The following MLLT3 variants were observed in gnomAD, a reference collection of about 807,000 sequenced individuals.
The protein encoded by MLLT3 is MLLT3 super elongation complex subunit.
A neutral mutation model predicts 53.2 loss-of-function variants in MLLT3; 4 were observed. That is an observed-to-expected ratio of 0.08 (90% confidence interval 0.04 to 0.17). MLLT3 has a LOEUF of 0.17. Among genes scored for constraint, MLLT3 ranks in the 10% least tolerant of loss-of-function variants. The pLI, the probability that MLLT3 is intolerant of heterozygous loss-of-function variation, is 1.00. For synonymous variants in MLLT3, 283 were observed against 230.6 expected (o/e 1.23, Z -2.06); for missense variants, 569 against 684.0 (o/e 0.83, Z 1.87).
chr9:20,593,600 T>A (rs926842263), intron 2 of MLLT3, among the ~76,000 whole-genome samples: 2 of 152,224 alleles, frequency 1.3e-5, no homozygotes, highest in Non-Finnish European at 2.9e-5. Flanking sequence ...ACATCTGTTA[T>A]TAGATTCTAG....
At chr9:20,510,177 C>T (rs568660400) in intron 2 of MLLT3, among the ~76,000 whole-genome samples, 1 of 151,900 alleles carries the variant, frequency 6.6e-6, no homozygotes, top group Non-Finnish European at 1.5e-5. Context: ...GAGTTAATGT[C>T]TTTAAAGAAT....
intron 2 of MLLT3, among the ~76,000 whole-genome samples, chr9:20,590,165 G>C (rs1416536057): frequency 1.3e-5 from 2 of 152,124 alleles, no homozygotes; most frequent in East Asian, 1.9e-4. Context: ...TAGGCTTCCA[G>C]AGCTGTAATT....
chr9:20,519,656 C>A (rs914720817), intron 2 of MLLT3, among the ~76,000 whole-genome samples: 2 of 152,174 alleles, frequency 1.3e-5, no homozygotes, highest in East Asian at 3.8e-4. Flanking sequence ...GAAACCATCT[C>A]ACGTCAGTCA....
chr9:20,487,162 G>C (rs1182549575), intron 2 of MLLT3, among the ~76,000 whole-genome samples: 1 of 152,128 alleles, frequency 6.6e-6, no homozygotes, highest in East Asian at 1.9e-4. Context: ...CCGAATAAAA[G>C]TTGCGAAGCA....
intron 2 of MLLT3, among the ~76,000 whole-genome samples, chr9:20,579,435 C>T (rs1819734520): frequency 6.6e-6 from 1 of 151,400 alleles, no homozygotes; most frequent in East Asian, 1.9e-4. Flanking sequence ...TACAAAAGAA[C>T]AAAACAACTT....
chr9:20,375,733 T>C (rs974397674), intron 5 of MLLT3, among the ~76,000 whole-genome samples: 9 of 151,242 alleles, frequency 6.0e-5, no homozygotes, highest in African/African-American at 1.7e-4. Flanking sequence ...CTCAGCCTCC[T>C]GAGTAGCTGG....
At chr9:20,396,907 G>C (rs1822335259) in intron 5 of MLLT3, among the ~76,000 whole-genome samples, 1 of 152,166 alleles carries the variant, frequency 6.6e-6, no homozygotes, top group South Asian at 2.1e-4. Flanking sequence ...TTTCTGGCTA[G>C]TGGAGATCTG....
chr9:20,450,598 C>T (rs1823814009), intron 3 of MLLT3, among the ~76,000 whole-genome samples: 1 of 152,174 alleles, frequency 6.6e-6, no homozygotes, highest in African/African-American at 2.4e-5. Flanking sequence ...GCTCCCCACA[C>T]CTGAAATGTC....
chr9:20,545,098 A>AAAAAC (rs1818751703), intron 2 of MLLT3, among the ~76,000 whole-genome samples: 1 of 48,964 alleles, frequency 2.0e-5, no homozygotes, highest in Non-Finnish European at 3.9e-5. Context: ...TATCTCTACA[A>AAAAAC]AAAAAAAAAA....
chr9:20,572,381 G>GT (rs1327964825), intron 2 of MLLT3, among the ~76,000 whole-genome samples: 1 of 152,156 alleles, frequency 6.6e-6, no homozygotes, highest in Non-Finnish European at 1.5e-5. Flanking sequence ...TCTCAAAATG[G>GT]TATGTGAGGT....
At chr9:20,616,504 A>C (rs1383097397) in intron 2 of MLLT3, among the ~76,000 whole-genome samples, 2 of 152,192 alleles carry the variant, frequency 1.3e-5, no homozygotes, top group African/African-American at 4.8e-5. Flanking sequence ...AAAATCAAAC[A>C]CTACAAAAAT....
chr9:20,487,277 TG>T (rs541247599), intron 2 of MLLT3, among the ~76,000 whole-genome samples: 309 of 152,264 alleles, frequency 2.0e-3, no homozygotes, highest in African/African-American at 6.9e-3. Context: ...TATAAAGCAA[TG>T]GACTCTGTTT....
chr9:20,382,879 A>T (rs1395118045), intron 5 of MLLT3, among the ~76,000 whole-genome samples: 2 of 148,772 alleles, frequency 1.3e-5, no homozygotes, highest in Non-Finnish European at 2.9e-5. Context: ...AGATTGCAGG[A>T]TCTATTTGTC....
chr9:20,491,951 G>A (rs1285461615), intron 2 of MLLT3, among the ~76,000 whole-genome samples: 1 of 151,958 alleles, frequency 6.6e-6, no homozygotes, highest in Non-Finnish European at 1.5e-5. Flanking sequence ...ATTCCAACCA[G>A]TAATGTGAAT....
At chr9:20,464,383 T>C (rs1014803103) in intron 2 of MLLT3, among the ~76,000 whole-genome samples, 3 of 152,132 alleles carry the variant, frequency 2.0e-5, no homozygotes, top group Non-Finnish European at 4.4e-5. Context: ...TTCTAGGGAC[T>C]GTGGATAGAG....
At chr9:20,570,270 G>C (rs1819496921) in intron 2 of MLLT3, among the ~76,000 whole-genome samples, 1 of 152,128 alleles carries the variant, frequency 6.6e-6, no homozygotes, top group Non-Finnish European at 1.5e-5. Context: ...ACAACAGTCA[G>C]AATTCCAAAG....
At chr9:20,599,716 T>C (rs565650394) in intron 2 of MLLT3, among the ~76,000 whole-genome samples, 17 of 152,258 alleles carry the variant, frequency 1.1e-4, no homozygotes, top group Middle Eastern at 6.8e-3. Context: ...GACTATATAA[T>C]CTATCATCCA....
intron 2 of MLLT3, among the ~76,000 whole-genome samples, chr9:20,565,986 A>T (rs1382800319): frequency 5.6e-4 from 29 of 51,682 alleles, no homozygotes; most frequent in African/African-American, 1.7e-3. Context: ...ATATATATTT[A>T]TTTATATATT....
At chr9:20,353,325 A>G (rs1201298361) in intron 10 of MLLT3, among the ~76,000 whole-genome samples, 200 bp downstream of exon 10, 1 of 152,168 alleles carries the variant, frequency 6.6e-6, no homozygotes, top group Non-Finnish European at 1.5e-5. Context: ...TAGAGGAGGG[A>G]GAACAGTTGC....
Sources: gnomAD v4.1 joint callset for allele counts (sites outside exome capture counted in the v4.1 genomes callset) on GRCh38, gnomAD v4.1.1 for gene constraint, MANE v1.5 for transcripts, NCBI Gene and HGNC (gene_info 2026-07-23, HGNC 2026-07-21) for gene names.